The following CFAP299 variants were observed in gnomAD, a reference collection of about 807,000 sequenced individuals.
CFAP299 encodes cilia- and flagella-associated protein 299.
Under a neutral mutation model 27.0 loss-of-function variants are expected in CFAP299, and 21 were observed. The ratio of observed to expected loss-of-function variants is 0.78; its 90% CI spans 0.55 to 1.12. The LOEUF (loss-of-function observed/expected upper bound fraction) is 1.12, where lower values mean the gene tolerates loss of function less well. CFAP299 is among the 50% of genes most tolerant of loss of function. The probability of loss-of-function intolerance (pLI) is 0.00; values close to 1 mark genes in which losing one functional copy is unlikely to be tolerated. For missense variants in CFAP299, 310 were observed against 276.6 expected (o/e 1.12, Z -0.86); for synonymous variants, 104 against 98.1 (o/e 1.06, Z -0.36).
intron 2 of CFAP299, among the ~76,000 whole-genome samples, chr4:80,394,127 G>T (rs1189585527): frequency 1.3e-5 from 2 of 152,104 alleles, no homozygotes; most frequent in Non-Finnish European, 1.5e-5. Context: ...GTTTCCTGAG[G>T]CATCTCCAGG....
intron 4 of CFAP299, chr4:80,870,549 T>A: frequency 1.0e-6 from 1 of 988,600 alleles, no homozygotes; most frequent in East Asian, 1.1e-4. Flanking sequence ...ATTTCTCTCA[T>A]CTCTGTCCTA....
At chr4:80,359,382 G>A (rs752395607) in intron 1 of CFAP299, among the ~76,000 whole-genome samples, 4 of 152,042 alleles carry the variant, frequency 2.6e-5, no homozygotes, top group Non-Finnish European at 5.9e-5. Context: ...CTAGATTGGA[G>A]AATTTCTTTG....
At chr4:80,654,594 A>G (rs762480093) in intron 3 of CFAP299, among the ~76,000 whole-genome samples, 6 of 152,048 alleles carry the variant, frequency 3.9e-5, no homozygotes, top group Non-Finnish European at 7.4e-5. Context: ...GTGCAATTCA[A>G]TATTCATTAT....
At chr4:80,431,352 T>A (rs564259606) in intron 2 of CFAP299, among the ~76,000 whole-genome samples, 2 of 135,882 alleles carry the variant, frequency 1.5e-5, no homozygotes, top group East Asian at 4.5e-4. Flanking sequence ...TCCTTCCTTT[T>A]TTCCCTCCAT....
rs140709046 is a variant in CFAP299, at chr4:80,723,698, C to T, written c.333+140515C>T. ...TTTTATGGGTAGAATTTAAGCTACA[C>T]AATTTAAATATGTGTGTATTTTATT... On this transcript the variant is annotated intron_variant, in intron 3 of 5. Transcript: ENST00000358105. Among the ~76,000 whole-genome samples, 159 of 151,794 alleles carry T rather than the reference C, an allele frequency of 1.0e-3. 2 individuals carry two copies. The East Asian group carries it at 0.025, about 23-fold the overall frequency.
intron 3 of CFAP299, among the ~76,000 whole-genome samples, chr4:80,668,497 T>C (rs1316747582): frequency 6.6e-6 from 1 of 152,126 alleles, no homozygotes; most frequent in African/African-American, 2.4e-5. Flanking sequence ...AAGGTGAAGA[T>C]CTAGTTTTAT....
At chr4:80,562,902 A>G (rs1465148795) in intron 2 of CFAP299, among the ~76,000 whole-genome samples, 1 of 151,970 alleles carries the variant, frequency 6.6e-6, no homozygotes, top group Non-Finnish European at 1.5e-5. Context: ...CACTATACTT[A>G]TATCAGACAA....
chr4:80,347,180 C>T (rs924248986), intron 1 of CFAP299, among the ~76,000 whole-genome samples: 10 of 151,720 alleles, frequency 6.6e-5, no homozygotes, highest in African/African-American at 9.7e-5. Flanking sequence ...TGGACTGAGA[C>T]GATGGGGTTT....
chr4:80,759,211 T>C (rs1359743237), intron 3 of CFAP299, among the ~76,000 whole-genome samples: 1 of 152,134 alleles, frequency 6.6e-6, no homozygotes, highest in Non-Finnish European at 1.5e-5. Flanking sequence ...GTACTGACAC[T>C]GTGTATAGGC....
chr4:80,570,709 C>G (rs1735541804), intron 2 of CFAP299, among the ~76,000 whole-genome samples: 1 of 152,026 alleles, frequency 6.6e-6, no homozygotes, highest in Non-Finnish European at 1.5e-5. Context: ...CTGAAATTAA[C>G]AAATGTGCTA....
chr4:80,727,918 T>G (rs1723250839), intron 3 of CFAP299, among the ~76,000 whole-genome samples: 1 of 151,758 alleles, frequency 6.6e-6, no homozygotes, highest in African/African-American at 2.4e-5. Flanking sequence ...ATATCAATAT[T>G]TTAAAGTAGG....
chr4:80,653,233 T>A (rs142087938), intron 3 of CFAP299, among the ~76,000 whole-genome samples: 1 of 152,086 alleles, frequency 6.6e-6, no homozygotes, highest in East Asian at 1.9e-4. Context: ...AAACGGCAGA[T>A]CTACTGTCTG....
At chr4:80,417,189 C>T (rs1028685743) in intron 2 of CFAP299, among the ~76,000 whole-genome samples, 3 of 152,066 alleles carry the variant, frequency 2.0e-5, no homozygotes, top group African/African-American at 7.2e-5. Flanking sequence ...TGTCATGGCG[C>T]TGGTGGGGGT....
At chr4:80,751,324 A>G (rs1724917744) in intron 3 of CFAP299, among the ~76,000 whole-genome samples, 1 of 152,252 alleles carries the variant, frequency 6.6e-6, no homozygotes, top group Admixed American at 6.5e-5. Context: ...TGCTTAAAGA[A>G]GCAGTATGGC....
At chr4:80,667,222 G>C (rs1473419957) in intron 3 of CFAP299, among the ~76,000 whole-genome samples, 2 of 151,946 alleles carry the variant, frequency 1.3e-5, no homozygotes, top group African/African-American at 4.8e-5. Flanking sequence ...GATCTACAAA[G>C]ATGTACATAT....
intron 3 of CFAP299, among the ~76,000 whole-genome samples, chr4:80,721,025 G>A (rs532261072): frequency 8.5e-5 from 13 of 152,212 alleles, no homozygotes; most frequent in African/African-American, 2.9e-4. Context: ...AAAGAAAAAT[G>A]ATTATTCAAG....
chr4:80,863,544 A>G lies in CFAP299; in HGVS notation c.334-6449A>G, dbSNP rs559151090. On this transcript the variant is annotated intron_variant, in intron 3 of 5. Coordinates refer to ENST00000358105, the MANE Select transcript of CFAP299 (RefSeq NM_152770.3). The stretch of plus-strand genomic sequence containing the variant: ...CCCTCAGTAAAATCTCAGATTCTAC[A>G]TGCCCCTTGGTGTCTTATTCCCCAC... 6.8e-4 allele frequency among the ~76,000 whole-genome samples: 104 copies of G among 152,292 alleles called. 1 individual carries two copies. The highest frequency in any genetic ancestry group is 6.3e-3 in the Admixed American group (96 of 15,292).
intron 2 of CFAP299, among the ~76,000 whole-genome samples, chr4:80,479,363 A>C (rs1171679253): frequency 1.3e-5 from 2 of 152,076 alleles, no homozygotes; most frequent in African/African-American, 4.8e-5. Context: ...CAAGGCTTTT[A>C]AAGTATTTTC....
chr4:80,467,099 G>A (rs1292972584), intron 2 of CFAP299, among the ~76,000 whole-genome samples: 1 of 152,166 alleles, frequency 6.6e-6, no homozygotes, highest in Non-Finnish European at 1.5e-5. Context: ...TTCATTTAAG[G>A]TGGGTTTGGA....
Sources: gnomAD v4.1 joint callset for allele counts (sites outside exome capture counted in the v4.1 genomes callset) on GRCh38, gnomAD v4.1.1 for gene constraint, MANE v1.5 for transcripts, NCBI Gene and HGNC (gene_info 2026-07-23, HGNC 2026-07-21) for gene names.